Variants in PPP1R12B observed in about 807,000 individuals in gnomAD.
The protein encoded by PPP1R12B is protein phosphatase 1 regulatory subunit 12B.
PPP1R12B carries 76 observed loss-of-function variants against 126.1 expected under a neutral mutation model. The observed-to-expected ratio is 0.60, with a 90% confidence interval of 0.50 to 0.73. The LOEUF is 0.73. Among genes scored for constraint, PPP1R12B ranks in the 30% least tolerant of loss-of-function variants. The pLI, the probability that PPP1R12B is intolerant of heterozygous loss-of-function variation, is 0.00. For missense variants in PPP1R12B, 1,052 were observed against 1,205.1 expected, an observed-to-expected ratio of 0.87 and a Z score of 1.88; for synonymous variants, 356 against 434.7, an observed-to-expected ratio of 0.82 and a Z score of 2.25.
At chr1:202,386,422 T>C (rs568394478) in intron 1 of PPP1R12B, among the ~76,000 whole-genome samples, 1 of 150,430 alleles carries the variant, frequency 6.6e-6, no homozygotes, top group East Asian at 2.0e-4. Flanking sequence ...GCCTCCGCCT[T>C]CTGGGTTCAC....
intron 1 of PPP1R12B, among the ~76,000 whole-genome samples, chr1:202,398,565 G>A (rs1021969528): frequency 6.6e-6 from 1 of 152,134 alleles, no homozygotes; most frequent in Non-Finnish European, 1.5e-5. Flanking sequence ...GTTTTTTTAA[G>A]AGACAGTGTG....
chr1:202,568,368 C>T (rs962951779), intron 22 of PPP1R12B, among the ~76,000 whole-genome samples: 4 of 152,170 alleles, frequency 2.6e-5, no homozygotes. Context: ...CAACTGTACT[C>T]AGAATATTAT....
At position 202,354,168 on chromosome 1, in the gene PPP1R12B, G is replaced by A. The variant is rs10800830; in HGVS notation, c.291+5026G>A. On this transcript the variant is annotated intron_variant, in intron 1 of 23. Coordinates refer to ENST00000608999, the MANE Select transcript of PPP1R12B (RefSeq NM_002481.4). ...AATTCACTCTTTGTAGTGTAGCATC[G>A]TATGAGTTTTGACAAATGCGTACAG... Among the ~76,000 whole-genome samples the A allele has an allele frequency of 2.7e-3, 406 of 152,014 alleles. 2 individuals are homozygous for A. Among genetic ancestry groups the A allele is most frequent in the African/African-American group, 9.3e-3 (384 of 41,408 alleles).
intron 1 of PPP1R12B, among the ~76,000 whole-genome samples, chr1:202,412,008 T>G (rs1230444662): frequency 2.6e-5 from 4 of 152,200 alleles, no homozygotes; most frequent in Admixed American, 6.5e-5. Flanking sequence ...TTGTGGAGGG[T>G]ATGGGGAATG....
chr1:202,495,518 A>C (rs200608866), intron 16 of PPP1R12B, 36 bp downstream of exon 16: 3 of 1,607,930 alleles, frequency 1.9e-6, no homozygotes, highest in Non-Finnish European at 1.7e-6. Flanking sequence ...GCCCCTCCAC[A>C]GTGCACATCC....
At chr1:202,371,023 T>C (rs1231285854) in intron 1 of PPP1R12B, among the ~76,000 whole-genome samples, 1 of 145,896 alleles carries the variant, frequency 6.9e-6, no homozygotes, top group Admixed American at 6.9e-5. Flanking sequence ...TTTTTTTTTT[T>C]GAGATAGAGT....
rs1463894271 is a variant in PPP1R12B, at chr1:202,439,238, A to G, written c.1458+1214A>G. ...CTGCAGCCTCGTTGGAGCACCATCC[A>G]GACAATATCAAGGCTGTCCTCCACA... On this transcript the variant is annotated intron_variant, in intron 10 of 23. Transcript: ENST00000608999. The G allele has an allele frequency of 9.3e-6, 13 of 1,392,256 alleles. No homozygotes were observed. The Admixed American group carries it at 1.2e-4, about 13-fold the overall frequency. 86.2% of individuals were successfully genotyped at this position (1,392,256 alleles called of 1,614,324 possible). A position where few individuals can be genotyped will look rare whatever the true frequency, so the allele number is the denominator to read the frequency against.
At chr1:202,519,352 C>T (rs1682513569) in intron 18 of PPP1R12B, among the ~76,000 whole-genome samples, 1 of 152,068 alleles carries the variant, frequency 6.6e-6, no homozygotes, top group Non-Finnish European at 1.5e-5. Context: ...GCAGTCTCCG[C>T]CTCTAGAGTT....
rs1025271179 is a variant in PPP1R12B, at chr1:202,348,800, C to T, written c.-52C>T. The T allele has an allele frequency of 1.9e-5, 29 of 1,556,500 alleles. No individual in the cohort carries two copies. Among genetic ancestry groups the T allele is most frequent in the Middle Eastern group, 2.4e-4 (1 of 4,226 alleles). ...GAGGCGGCAGCGGCAACTCGAGCCC[C>T]AACAGTAATTTAGTGTTGGTAGTTT... is the stretch of plus-strand genomic sequence containing the variant. On this transcript the variant is annotated 5_prime_UTR_variant, in exon 1 of 24. Transcript: ENST00000608999.
intron 14 of PPP1R12B, among the ~76,000 whole-genome samples, chr1:202,491,066 A>G (rs1157821966): frequency 2.0e-5 from 3 of 152,152 alleles, no homozygotes; most frequent in African/African-American, 7.2e-5. Context: ...GTACCATTTT[A>G]TGTTCCCATC....
intron 18 of PPP1R12B, among the ~76,000 whole-genome samples, chr1:202,513,297 A>G (rs926031114): frequency 2.0e-5 from 3 of 152,164 alleles, no homozygotes; most frequent in Non-Finnish European, 4.4e-5. Flanking sequence ...TTATATTTAC[A>G]AGAATATCTA....
chr1:202,579,246 A>G (rs1689375651), intron 23 of PPP1R12B, among the ~76,000 whole-genome samples: 1 of 152,230 alleles, frequency 6.6e-6, no homozygotes, highest in Admixed American at 6.5e-5. Flanking sequence ...TATATTCCTT[A>G]AGGCACAGTT....
intron 12 of PPP1R12B, among the ~76,000 whole-genome samples, chr1:202,443,868 T>G (rs1671921513): frequency 6.6e-6 from 1 of 152,198 alleles, no homozygotes; most frequent in Non-Finnish European, 1.5e-5. Context: ...TGAGAGGCAT[T>G]TGGTTTGATA....
intron 18 of PPP1R12B, among the ~76,000 whole-genome samples, chr1:202,540,554 C>T (rs1406623781): frequency 1.3e-5 from 2 of 152,208 alleles, no homozygotes; most frequent in East Asian, 3.8e-4. Context: ...CTTTATCTTA[C>T]AAGGCTTTTC....
chr1:202,433,049 C>G (rs527965624), intron 8 of PPP1R12B, among the ~76,000 whole-genome samples: 1 of 152,168 alleles, frequency 6.6e-6, no homozygotes, highest in African/African-American at 2.4e-5. Flanking sequence ...AAGAAAGGCA[C>G]CAGCTAAGTT....
intron 1 of PPP1R12B, among the ~76,000 whole-genome samples, chr1:202,396,787 A>AT (rs1427522447): frequency 1.3e-5 from 2 of 151,894 alleles, no homozygotes; most frequent in Non-Finnish European, 2.9e-5. Flanking sequence ...TAATTTTTGT[A>AT]TTTTTTGTAG....
intron 12 of PPP1R12B, among the ~76,000 whole-genome samples, chr1:202,446,236 C>CTCTCTCTCTCTCTCTA (rs1491246158): frequency 2.3e-5 from 2 of 88,052 alleles, no homozygotes; most frequent in Non-Finnish European, 2.2e-5. Flanking sequence ...CTCTCTCTCT[C>CTCTCTCTCTCTCTCTA]TATATATATA....
At chr1:202,351,068 G>A (rs771193360) in intron 1 of PPP1R12B, among the ~76,000 whole-genome samples, 9 of 151,994 alleles carry the variant, frequency 5.9e-5, no homozygotes, top group Non-Finnish European at 1.0e-4. Flanking sequence ...GACAAATTCA[G>A]CTAAAAATTA....
chr1:202,554,635 C>G (rs531474503), intron 18 of PPP1R12B, among the ~76,000 whole-genome samples: 10 of 152,146 alleles, frequency 6.6e-5, no homozygotes, highest in African/African-American at 2.2e-4. Flanking sequence ...GATTAACTTG[C>G]AAGCTCTATT....
Sources: allele counts gnomAD v4.1 joint callset (sites outside exome capture counted in the v4.1 genomes callset), GRCh38; gene constraint gnomAD v4.1.1; transcripts MANE v1.5; gene names NCBI Gene and HGNC (gene_info 2026-07-23, HGNC 2026-07-21).